PLCH2: variants seen among roughly 807,000 people sequenced by gnomAD.
PLCH2 encodes phospholipase C eta 2.
In PLCH2, 98 loss-of-function variants were observed where a neutral mutation model predicts 134.7. The observed-to-expected ratio is 0.73, with a 90% confidence interval of 0.62 to 0.86. PLCH2 has a LOEUF of 0.86. PLCH2 is among the 40% of genes least tolerant of loss of function. The probability of loss-of-function intolerance (pLI) is 0.00; values close to 1 mark genes in which losing one functional copy is unlikely to be tolerated. For synonymous variants in PLCH2, 974 were observed against 827.5 expected (o/e 1.18, Z -3.04); for missense variants, 1,994 against 1,986.6 (o/e 1.00, Z -0.07).
rs1185938584 is a variant in PLCH2 at position 2,495,489 on chromosome 1, A to C, written c.1754A>C (p.Lys585Thr). 6.4e-7 allele frequency: 1 copy of C among 1,551,234 alleles called. No individual in the cohort carries two copies. Among genetic ancestry groups the C allele is most frequent in the Non-Finnish European group, 8.7e-7 (1 of 1,146,814 alleles). ...CTCACACCTCTGCCCCCCGCACAGA[A>C]GAAGGGCAGCAAGCTGAAGAAGGCG... Reference protein sequence around the residue: ...LVVGSFSRRKKKGSKLKKAAS... With the variant: ...LVVGSFSRRKTKGSKLKKAAS... The change falls in exon 13 of 22, where the codon AAG becomes ACG. Residue 585 changes from lysine to threonine, a missense_variant and splice_region_variant. Physicochemically the swap from Lys to Thr is moderately conservative, Grantham distance 78 (BLOSUM62 -1). This residue lies in a region of PLCH2 where 1,094 missense variants were observed against 1,234.3 expected (regional missense o/e 0.89). Coordinates refer to ENST00000378486, the MANE Select transcript of PLCH2 (RefSeq NM_014638.4).
chr1:2,420,508 G>A, the PLCH2 span, among the ~76,000 whole-genome samples: 1 of 152,184 alleles, frequency 6.6e-6, no homozygotes, highest in Non-Finnish European at 1.5e-5. Context: ...AAAGAGCCCC[G>A]AGGGCTGGGG....
chr1:2,454,132 G>A (rs1640373452), intron 2 of PLCH2, among the ~76,000 whole-genome samples: 1 of 152,216 alleles, frequency 6.6e-6, no homozygotes, highest in African/African-American at 2.4e-5. Context: ...CCAGCAGTCC[G>A]GGCTGGGTGT....
At chr1:2,447,692 C>T (rs762321925) in intron 2 of PLCH2, among the ~76,000 whole-genome samples, 3 of 152,334 alleles carry the variant, frequency 2.0e-5, no homozygotes, top group East Asian at 1.9e-4. Context: ...CCCAGGGAGA[C>T]GCCTGACTGG....
In PLCH2 at chr1:2,499,677, C is replaced by A. The variant is rs758685368; in HGVS notation, c.2618C>A (p.Ala873Asp). ...GTGTACCTAGAAGGGATGGAAGAGGCCTCCATCTTCGTGCATGTGGCTGTC... is the reference window on the plus strand; with the variant it reads ...GTGTACCTAGAAGGGATGGAAGAGGACTCCATCTTCGTGCATGTGGCTGTC... ...RHVYLEGMEE[A>D]SIFVHVAVSD... Residue 873 changes from alanine to aspartate, a missense_variant, in exon 20 of 22, where the codon GCC (alanine) becomes GAC (aspartate). Transcript: ENST00000378486. 43 of 1,600,524 alleles carry A rather than the reference C, an allele frequency of 2.7e-5. No homozygotes were observed. Among genetic ancestry groups the A allele is most frequent in the Non-Finnish European group, 3.5e-5 (41 of 1,174,146 alleles).
upstream of PLCH2, among the ~76,000 whole-genome samples, chr1:2,473,324 C>T (rs765797438): frequency 1.3e-5 from 2 of 152,198 alleles, no homozygotes; most frequent in African/African-American, 2.4e-5. Flanking sequence ...GCCGGTGCAG[C>T]CCAGGTGCGG....
rs1177547233 is a variant in PLCH2 at position 2,489,809 on chromosome 1, T to A, written c.1457T>A (p.Val486Glu). 6.2e-7 allele frequency: 1 copy of A among 1,613,430 alleles called. No individual in the cohort carries two copies. The highest frequency in any genetic ancestry group is 2.2e-5 in the East Asian group (1 of 44,880). ...NISEDAEEGE[V>E]SDEDSADEID... ...AGCGAGGATGCGGAGGAAGGCGAGG[T>A]GTCTGATGAGGACAGTGCTGATGAG... The change falls in exon 10 of 22, where the codon GTG (valine) becomes GAG (glutamate). Residue 486 changes from valine (V) to glutamate (E), a missense_variant. Physicochemically the swap from Val to Glu is moderately radical, Grantham distance 121. Transcript: ENST00000378486.
Position 2,503,944 on chromosome 1 carries a change from G to A in PLCH2, c.2982G>A (p.Gln994=). 9.1e-7 allele frequency: 1 copy of A among 1,096,016 alleles called. No individual in the cohort carries two copies. Among genetic ancestry groups the A allele is most frequent in the Non-Finnish European group, 1.2e-6 (1 of 816,924 alleles). The allele number at this position is 1,096,016 out of a possible 1,614,324, so 67.9% of individuals were successfully genotyped here. A position where few individuals can be genotyped will look rare whatever the true frequency, so the allele number is the denominator to read the frequency against. Residue 994 remains glutamine (Q), a synonymous_variant, in exon 22 of 22, where the codon CAG becomes CAA. Coordinates refer to ENST00000378486, the MANE Select transcript of PLCH2 (RefSeq NM_014638.4). ...SPRDTRPLST[Q]RPLPPLCSLE... The stretch of plus-strand genomic sequence containing the variant: ...CAGACACCCGCCCCCTCTCCACGCA[G>A]CGGCCACTCCCCCCACTGTGCAGCC...
intron 1 of PLCH2, among the ~76,000 whole-genome samples, chr1:2,426,934 G>T (rs1178190994): frequency 6.6e-6 from 1 of 152,244 alleles, no homozygotes; most frequent in African/African-American, 2.4e-5. Flanking sequence ...GTCCAGGGGT[G>T]GGAGCAGGGC....
At chr1:2,502,746 T>C (rs1251628388) in intron 21 of PLCH2, 1 of 716,292 alleles carries the variant, frequency 1.4e-6, no homozygotes, top group Non-Finnish European at 2.6e-6. Flanking sequence ...AGCGGCTCCA[T>C]GTCCTCGGAC....
rs780128262 is a variant in PLCH2 at position 2,484,618 on chromosome 1, G to A, written c.816G>A (p.Lys272=). 3.1e-6 allele frequency: 5 copies of A among 1,610,866 alleles called. No homozygotes were observed. Among genetic ancestry groups the A allele is most frequent in the Non-Finnish European group, 4.2e-6 (5 of 1,179,704 alleles). ...SLQRFLQVEQ[K]MAGVTLESCQ... Reference sequence around the variant, plus strand: ...AGCGCTTCCTGCAGGTGGAGCAGAAGGTGTGCTGCCCGGGGCAGGTGTTGG... The same window carrying A: ...AGCGCTTCCTGCAGGTGGAGCAGAAAGTGTGCTGCCCGGGGCAGGTGTTGG... The change falls in exon 5 of 22, where the codon AAG becomes AAA. Residue 272 remains lysine (K), a splice_region_variant and synonymous_variant. Coordinates refer to ENST00000378486, the MANE Select transcript of PLCH2 (RefSeq NM_014638.4).
At chr1:2,420,962 T>TTTC in the PLCH2 span, among the ~76,000 whole-genome samples, 1 of 151,886 alleles carries the variant, frequency 6.6e-6, no homozygotes, top group East Asian at 1.9e-4. Flanking sequence ...CACTTTTTTT[T>TTTC]TTTTTTTTGA....
chr1:2,472,923 A>G (rs1641403683), upstream of PLCH2, among the ~76,000 whole-genome samples: 1 of 151,498 alleles, frequency 6.6e-6, no homozygotes, highest in South Asian at 2.1e-4. Context: ...ACATGCCGGG[A>G]GGCCTGTGGG....
At chr1:2,497,735 C>G in intron 16 of PLCH2, 126 bp downstream of exon 16, 1 of 611,454 alleles carries the variant, frequency 1.6e-6, no homozygotes, top group South Asian at 1.9e-5. Context: ...GCAGAGTCCC[C>G]TGGAGGGTCA....
chr1:2,461,578 C>T (rs1239569418), intron 2 of PLCH2, among the ~76,000 whole-genome samples: 1 of 152,156 alleles, frequency 6.6e-6, no homozygotes, highest in East Asian at 1.9e-4. Flanking sequence ...GGTTACCCAG[C>T]CCTGGGGCCT....
intron 2 of PLCH2, among the ~76,000 whole-genome samples, chr1:2,434,788 C>T (rs963064457): frequency 2.6e-5 from 4 of 152,306 alleles, no homozygotes; most frequent in South Asian, 4.1e-4. Context: ...CCTGGTGCCA[C>T]GTGCACTGAT....
upstream of PLCH2, among the ~76,000 whole-genome samples, chr1:2,472,878 G>A (rs946951516): frequency 2.0e-5 from 3 of 152,148 alleles, no homozygotes; most frequent in African/African-American, 7.2e-5. Flanking sequence ...CGTGGGAGGG[G>A]CTGCGGTACC....
Position 2,484,481 on chromosome 1 carries a change from G to A in PLCH2, c.679G>A (p.Gly227Ser). ...CACGGATGACCACCAAGGGACGCTG[G>A]GTTTTGAAGAGTTCTGTGCCTTCTA... ...ADTDDHQGTL[G>S]FEEFCAFYKM... Residue 227 changes from glycine to serine, a missense_variant, in exon 5 of 22, where the codon GGT becomes AGT. Physicochemically the swap from Gly to Ser is moderately conservative, Grantham distance 56. This residue lies in a region of PLCH2 where 1,094 missense variants were observed against 1,234.3 expected (regional missense o/e 0.89). Coordinates refer to ENST00000378486, the MANE Select transcript of PLCH2 (RefSeq NM_014638.4). 1 of 1,613,336 alleles carries A rather than the reference G, an allele frequency of 6.2e-7. No individual in the cohort carries two copies. The highest frequency in any genetic ancestry group is 8.5e-7 in the Non-Finnish European group (1 of 1,179,752).
intron 2 of PLCH2, among the ~76,000 whole-genome samples, chr1:2,441,339 G>C (rs796605903): frequency 1.4e-4 from 21 of 152,356 alleles, no homozygotes; most frequent in African/African-American, 5.0e-4. Flanking sequence ...ATCCGGCCTG[G>C]GTTTGGCTTC....
chr1:2,443,238 T>C (rs1639768121), intron 2 of PLCH2, among the ~76,000 whole-genome samples: 1 of 152,192 alleles, frequency 6.6e-6, no homozygotes, highest in Non-Finnish European at 1.5e-5. Context: ...TCCCAGGCAC[T>C]TCTGCAAGGG....
Sources: gnomAD v4.1 joint callset for allele counts (sites outside exome capture counted in the v4.1 genomes callset) on GRCh38, gnomAD v4.1.1 for gene constraint, gnomAD v4.1.1 regional missense constraint, MANE v1.5 for transcripts, NCBI Gene and HGNC (gene_info 2026-07-23, HGNC 2026-07-21) for gene names.